The following SEL1L2 variants were observed in gnomAD, a reference collection of about 807,000 sequenced individuals.
The protein encoded by SEL1L2 is protein sel-1 homolog 2.
In SEL1L2, 89 loss-of-function variants were observed where a neutral mutation model predicts 98.8. The observed-to-expected ratio is 0.90, with a 90% CI of 0.76 to 1.07. The LOEUF (loss-of-function observed/expected upper bound fraction) is 1.07. Ranked by LOEUF, SEL1L2 falls within the 50% of genes least tolerant of loss-of-function variation. The pLI is 0.00. For missense variants in SEL1L2, 788 were observed against 812.0 expected (o/e 0.97, Z 0.36); for synonymous variants, 262 against 278.5 (o/e 0.94, Z 0.59).
intron 1 of SEL1L2, among the ~76,000 whole-genome samples, chr20:13,975,869 A>G (rs2051507853): frequency 6.6e-6 from 1 of 152,126 alleles, no homozygotes; most frequent in Admixed American, 6.5e-5. Context: ...TTTTTTGTTT[A>G]TAGAGACAGG....
intron 2 of SEL1L2, among the ~76,000 whole-genome samples, chr20:13,944,585 T>C (rs2049926624): frequency 6.6e-6 from 1 of 152,106 alleles, no homozygotes; most frequent in African/African-American, 2.4e-5. Context: ...AATCAAGAGT[T>C]CAGTAGTCAA....
At chr20:13,881,239 C>T (rs569828381) in intron 10 of SEL1L2, among the ~76,000 whole-genome samples, 34 of 152,300 alleles carry the variant, frequency 2.2e-4, no homozygotes, top group African/African-American at 6.3e-4. Flanking sequence ...GTCTCAATCT[C>T]TTGACCTCAT....
chr20:13,942,592 T>G (rs1367205428), intron 2 of SEL1L2, among the ~76,000 whole-genome samples: 4 of 152,128 alleles, frequency 2.6e-5, no homozygotes, highest in Non-Finnish European at 4.4e-5. Context: ...AGAAGGTTAT[T>G]AGTACATGAG....
intron 2 of SEL1L2, among the ~76,000 whole-genome samples, chr20:13,939,040 G>GGTTTTTTTTGTTTTTTTT: frequency 8.8e-6 from 1 of 114,072 alleles, no homozygotes; most frequent in Non-Finnish European, 1.7e-5. Flanking sequence ...TGCTTGTTTT[G>GGTTTTTTTTGTTTTTTTT]TTTTTTTTTT....
chr20:13,957,845 C>G (rs369847281), intron 1 of SEL1L2, among the ~76,000 whole-genome samples: 11 of 152,258 alleles, frequency 7.2e-5, no homozygotes, highest in African/African-American at 2.6e-4. Context: ...CCACTGTACT[C>G]AAGCCTGGGT....
At chr20:13,919,905 A>G (rs2048575174) in intron 3 of SEL1L2, among the ~76,000 whole-genome samples, 1 of 145,542 alleles carries the variant, frequency 6.9e-6, no homozygotes, top group Non-Finnish European at 1.5e-5. Flanking sequence ...AGCCTAGGTG[A>G]CAGAGCGAGA....
At chr20:13,976,116 C>G (rs757289797) in intron 1 of SEL1L2, among the ~76,000 whole-genome samples, 5 of 152,134 alleles carry the variant, frequency 3.3e-5, no homozygotes, top group Non-Finnish European at 5.9e-5. Context: ...ATTCTCCTGC[C>G]TCAGCCTCCC....
chr20:13,918,803 A>C (rs972474444), intron 4 of SEL1L2, among the ~76,000 whole-genome samples: 8 of 152,330 alleles, frequency 5.3e-5, no homozygotes, highest in African/African-American at 1.9e-4. Context: ...TTCACTTAAT[A>C]CGGGGACTGC....
At chr20:13,877,004 A>G (rs1384631107) in intron 11 of SEL1L2, among the ~76,000 whole-genome samples, 2 of 151,894 alleles carry the variant, frequency 1.3e-5, no homozygotes, top group Non-Finnish European at 2.9e-5. Context: ...TTGTAGTTTT[A>G]GTAGAGACGG....
rs73259295 is a variant in SEL1L2 at position 13,875,770 on chromosome 20, G to C, written c.1104+268C>G. ...TCTACTGCATAAGGGAGAGGGGAAA[G>C]CTGAACTTCTGTCTGGCTGAACTTC... On this transcript the variant is annotated intron_variant, in intron 12 of 19. Coordinates refer to ENST00000284951, the MANE Select transcript of SEL1L2 (RefSeq NM_025229.2). 6.0e-3 allele frequency among the ~76,000 whole-genome samples: 914 copies of C among 152,226 alleles called. 8 individuals carry two copies. The highest frequency in any genetic ancestry group is 0.021 in the African/African-American group (859 of 41,562).
chr20:13,938,227 C>T (rs929236672), intron 2 of SEL1L2, among the ~76,000 whole-genome samples: 10 of 151,692 alleles, frequency 6.6e-5, no homozygotes, highest in African/African-American at 1.5e-4. Flanking sequence ...ATTACAGGTG[C>T]GCACCACCAC....
intron 5 of SEL1L2, among the ~76,000 whole-genome samples, chr20:13,898,773 G>A (rs796137729): frequency 2.2e-4 from 34 of 152,122 alleles, no homozygotes; most frequent in South Asian, 1.2e-3. Flanking sequence ...ACAGAGTCTC[G>A]CCCTTGTCAC....
At chr20:13,867,252 C>T (rs1381773378) in intron 14 of SEL1L2, among the ~76,000 whole-genome samples, 2 of 152,118 alleles carry the variant, frequency 1.3e-5, no homozygotes, top group Non-Finnish European at 2.9e-5. Flanking sequence ...TTCTCCCAGC[C>T]ATGACTATGG....
chr20:13,945,115 G>A (rs1343654547), intron 2 of SEL1L2, among the ~76,000 whole-genome samples: 1 of 152,028 alleles, frequency 6.6e-6, no homozygotes, highest in African/African-American at 2.4e-5. Context: ...GAGTGCAAGG[G>A]GAATAACTAA....
chr20:13,852,418 T>C (rs6042386), intron 18 of SEL1L2, among the ~76,000 whole-genome samples: 14,239 of 152,178 alleles, frequency 0.094, 797 homozygotes, highest in African/African-American at 0.15. Flanking sequence ...TCTAGCTAAC[T>C]AGGGCAACTC....
Position 13,859,251 on chromosome 20 carries a change from A to G in SEL1L2, c.1818+11T>C. ...TCATTACTAGGTTTGAATTATTACC[A>G]GCAAAATTACCTTTGTGATGCCTAA... On this transcript the variant is annotated intron_variant, in intron 18 of 19. Coordinates refer to ENST00000284951, the MANE Select transcript of SEL1L2 (RefSeq NM_025229.2). 6.2e-7 allele frequency: 1 copy of G among 1,613,094 alleles called. No individual in the cohort carries two copies. The highest frequency in any genetic ancestry group is 8.5e-7 in the Non-Finnish European group (1 of 1,179,142).
At chr20:13,909,237 G>A (rs770973482) in intron 5 of SEL1L2, among the ~76,000 whole-genome samples, 7 of 152,112 alleles carry the variant, frequency 4.6e-5, no homozygotes, top group African/African-American at 1.2e-4. Context: ...TGGCACAAAC[G>A]GCCCAAGAAG....
At chr20:13,967,048 A>G (rs1349104299) in intron 1 of SEL1L2, among the ~76,000 whole-genome samples, 2 of 151,782 alleles carry the variant, frequency 1.3e-5, no homozygotes, top group Admixed American at 1.3e-4. Context: ...TGCCCAGCTA[A>G]TTTTTGTATT....
chr20:13,852,893 A>G (rs868580414), intron 18 of SEL1L2, among the ~76,000 whole-genome samples: 5 of 152,280 alleles, frequency 3.3e-5, no homozygotes, highest in African/African-American at 9.6e-5. Flanking sequence ...GAGCATGTGA[A>G]TGGGAAGGTC....
Sources: gnomAD v4.1 joint callset for allele counts (sites outside exome capture counted in the v4.1 genomes callset) on GRCh38, gnomAD v4.1.1 for gene constraint, MANE v1.5 for transcripts, NCBI Gene and HGNC (gene_info 2026-07-23, HGNC 2026-07-21) for gene names.